Variants in CPNE9 observed in about 807,000 individuals in gnomAD.
The protein encoded by CPNE9 is copine family member 9, also known as copine-9.
CPNE9 carries 59 observed loss-of-function variants against 83.0 expected under a neutral mutation model. The observed-to-expected ratio is 0.71, with a 90% CI of 0.58 to 0.88. The LOEUF is 0.88. Ranked by LOEUF, CPNE9 falls within the 40% of genes least tolerant of loss-of-function variation. The probability of loss-of-function intolerance (pLI) is 0.00; values close to 1 mark genes in which losing one functional copy is unlikely to be tolerated. For missense variants in CPNE9, 619 were observed against 720.8 expected (o/e 0.86, Z 1.62); for synonymous variants, 256 against 273.4 (o/e 0.94, Z 0.63).
intron 7 of CPNE9, among the ~76,000 whole-genome samples, chr3:9,708,216 T>G (rs2076583238): frequency 6.6e-6 from 1 of 152,146 alleles, no homozygotes; most frequent in Admixed American, 6.5e-5. Context: ...CCTCCCAAAG[T>G]GCTGGGATTA....
At chr3:9,719,853 G>T (rs570768517) in intron 17 of CPNE9, among the ~76,000 whole-genome samples, 1 of 151,868 alleles carries the variant, frequency 6.6e-6, no homozygotes, top group Non-Finnish European at 1.5e-5. Context: ...TTAGCCAGGC[G>T]TGGTGGTGGG....
intron 7 of CPNE9, among the ~76,000 whole-genome samples, chr3:9,707,224 G>A (rs1303173981): frequency 6.6e-6 from 1 of 151,816 alleles, no homozygotes; most frequent in African/African-American, 2.4e-5. Context: ...ATGGTGGTGG[G>A]TGCCTGTAGT....
At chr3:9,721,604 A>G (rs1159122927) in intron 17 of CPNE9, among the ~76,000 whole-genome samples, 1 of 152,184 alleles carries the variant, frequency 6.6e-6, no homozygotes, top group Non-Finnish European at 1.5e-5. Context: ...CTGGGTCTAG[A>G]GGACGAGGTA....
chr3:9,729,829 C>G lies in CPNE9; in HGVS notation c.*137C>G. 7.8e-7 allele frequency: 1 copy of G among 1,276,678 alleles called. No individual in the cohort carries two copies. The highest frequency in any genetic ancestry group is 1.0e-6 in the Non-Finnish European group (1 of 959,068). 79.1% of individuals were successfully genotyped at this position (1,276,678 alleles called of 1,614,324 possible). ...GATCAGTGCTGGCTGACAAGCCCTCCGCCTCCTTGCCTGCAGAGGGCCTGG... is the reference window on the plus strand; with the variant it reads ...GATCAGTGCTGGCTGACAAGCCCTCGGCCTCCTTGCCTGCAGAGGGCCTGG... On this transcript the variant is annotated 3_prime_UTR_variant, in exon 21 of 21. Transcript: ENST00000383832.
chr3:9,729,676 C>T lies in CPNE9; in HGVS notation c.1646C>T (p.Ala549Val), dbSNP rs1163580358. The T allele has an allele frequency of 5.0e-6, 8 of 1,613,380 alleles. No homozygotes were observed. Among genetic ancestry groups the T allele is most frequent in the African/African-American group, 1.3e-5 (1 of 74,930 alleles). The change falls in exon 21 of 21, where the codon GCT becomes GTT. Residue 549 changes from alanine (A) to valine (V), a missense_variant. Physicochemically the swap from Ala to Val is moderately conservative, Grantham distance 64. Transcript: ENST00000383832. ...PPPANPSPIP[A>V]PEQP is the part of the protein sequence containing the mutation. ...CCTGCCAACCCCAGCCCGATCCCAG[C>T]TCCAGAGCAGCCCTGAGGATTCCAC... is the stretch of plus-strand genomic sequence containing the variant.
In CPNE9 at chr3:9,715,980, C is replaced by A; in HGVS notation, c.829C>A (p.Leu277Met). The change falls in exon 14 of 21, where the codon CTG becomes ATG. Residue 277 changes from leucine (L) to methionine (M), a missense_variant. Coordinates refer to ENST00000383832, the MANE Select transcript of CPNE9 (RefSeq NM_153635.3). ...TGCCTATTCTGTCCCACAGGTGACGCTGCTCTCCTTCTCTGTGGACTCTGA... is the reference window on the plus strand; with the variant it reads ...TGCCTATTCTGTCCCACAGGTGACGATGCTCTCCTTCTCTGTGGACTCTGA... ...KKYVNSGTVT[L>M]LSFSVDSEFT... 1 of 1,611,716 alleles carries A rather than the reference C, an allele frequency of 6.2e-7. No homozygotes were observed. The highest frequency in any genetic ancestry group is 1.1e-5 in the South Asian group (1 of 90,266).
At chr3:9,729,299 A>C (rs758261804) in intron 20 of CPNE9, among the ~76,000 whole-genome samples, 4 of 152,202 alleles carry the variant, frequency 2.6e-5, no homozygotes, top group Non-Finnish European at 4.4e-5. Flanking sequence ...GTGTGAAGCC[A>C]AACTGGAGTG....
At chr3:9,718,341 G>A in intron 16 of CPNE9, 131 bp downstream of exon 16, 1 of 1,392,982 alleles carries the variant, frequency 7.2e-7, no homozygotes, top group East Asian at 2.3e-5. Context: ...TAGCAGAGCA[G>A]GGAGGGGAGC....
chr3:9,717,113 C>T lies in CPNE9; in HGVS notation c.931+9C>T, dbSNP rs768494668. 1.7e-5 allele frequency: 27 copies of T among 1,613,906 alleles called. No homozygotes were observed. The East Asian group carries it at 3.8e-4, about 23-fold the overall frequency. On this transcript the variant is annotated intron_variant, in intron 15 of 20. Coordinates refer to ENST00000383832, the MANE Select transcript of CPNE9 (RefSeq NM_153635.3). ...CTTCACGGCTTCCAATGGTGAGACA[C>T]GGATGAGTGAAAAAGTCGGAGGTGG...
chr3:9,727,510 G>GT (rs958779803), intron 20 of CPNE9: 1 of 684,292 alleles, frequency 1.5e-6, no homozygotes, highest in South Asian at 1.6e-5. Flanking sequence ...GTGAGAGCCT[G>GT]TAACAGGGAC....
intron 7 of CPNE9, among the ~76,000 whole-genome samples, chr3:9,712,323 T>G (rs2076637869): frequency 6.6e-6 from 1 of 152,212 alleles, no homozygotes; most frequent in Non-Finnish European, 1.5e-5. Flanking sequence ...ATGCTACTGT[T>G]GTGAGATGTT....
intron 7 of CPNE9, among the ~76,000 whole-genome samples, chr3:9,711,498 T>A (rs1454463957): frequency 6.6e-6 from 1 of 152,138 alleles, no homozygotes; most frequent in African/African-American, 2.4e-5. Context: ...ATTATAGGCG[T>A]GAGCCATCGC....
At chr3:9,729,439 T>G in intron 20 of CPNE9, 68 bp from the exon 21 acceptor site, 1 of 1,504,386 alleles carries the variant, frequency 6.6e-7, no homozygotes, top group South Asian at 1.3e-5. Flanking sequence ...AAAAGAAGCC[T>G]CCCTGCTGCA....
intron 8 of CPNE9, 43 bp from the exon 9 acceptor site, chr3:9,712,682 T>C (rs779964680): frequency 6.2e-7 from 1 of 1,608,068 alleles, no homozygotes. Flanking sequence ...CTGAAGGCTA[T>C]GGACAATTGG....
chr3:9,713,111 G>A, intron 10 of CPNE9, 32 bp downstream of exon 10: 1 of 1,518,820 alleles, frequency 6.6e-7, no homozygotes, highest in Non-Finnish European at 9.1e-7. Flanking sequence ...GGAGTAAGGA[G>A]CCAAGGACAT....
At chr3:9,724,531 G>A (rs1197180421) in intron 17 of CPNE9, among the ~76,000 whole-genome samples, 1 of 152,144 alleles carries the variant, frequency 6.6e-6, no homozygotes, top group Non-Finnish European at 1.5e-5. Context: ...CTTCAGCCAC[G>A]TGGCCCACTC....
chr3:9,718,348 G>C, intron 16 of CPNE9, 127 bp from the exon 17 acceptor site: 3 of 1,412,612 alleles, frequency 2.1e-6, no homozygotes, highest in Non-Finnish European at 2.9e-6. Context: ...GCAGGGAGGG[G>C]AGCAGGGCTG....
At chr3:9,711,883 G>C (rs1337610520) in intron 7 of CPNE9, among the ~76,000 whole-genome samples, 2 of 152,150 alleles carry the variant, frequency 1.3e-5, no homozygotes, top group Non-Finnish European at 2.9e-5. Flanking sequence ...CATCAGCTTT[G>C]ACCTAACAAG....
intron 4 of CPNE9, 74 bp from the exon 5 acceptor site, chr3:9,705,390 G>A: frequency 8.2e-7 from 1 of 1,218,292 alleles, no homozygotes; most frequent in South Asian, 1.4e-5. Context: ...TTTTCACCAA[G>A]ACTCGGTGCC....
Sources: gnomAD v4.1 joint callset for allele counts (sites outside exome capture counted in the v4.1 genomes callset) on GRCh38, gnomAD v4.1.1 for gene constraint, MANE v1.5 for transcripts, NCBI Gene and HGNC (gene_info 2026-07-23, HGNC 2026-07-21) for gene names.